Variants in CCDC175 observed in about 807,000 individuals in gnomAD.
CCDC175 encodes the protein coiled-coil domain-containing protein 175.
Under a neutral mutation model 114.6 loss-of-function variants are expected in CCDC175, and 100 were observed. The ratio of observed to expected loss-of-function variants is 0.87; its 90% CI spans 0.74 to 1.03. The LOEUF (loss-of-function observed/expected upper bound fraction) is 1.03, where lower values mean the gene tolerates loss of function less well. CCDC175 is among the 50% of genes least tolerant of loss of function. The pLI, the probability that CCDC175 is intolerant of heterozygous loss-of-function variation, is 0.00. For missense variants in CCDC175, 880 were observed against 917.8 expected (o/e 0.96, Z 0.53); for synonymous variants, 306 against 308.7 (o/e 0.99, Z 0.09).
chr14:59,517,498 A>C (rs1893164883), intron 17 of CCDC175, among the ~76,000 whole-genome samples: 1 of 152,212 alleles, frequency 6.6e-6, no homozygotes, highest in African/African-American at 2.4e-5. Context: ...CAATGTGCAA[A>C]AATCACAAGC....
At chr14:59,508,276 G>C (rs1892541042) in intron 19 of CCDC175, among the ~76,000 whole-genome samples, 1 of 151,792 alleles carries the variant, frequency 6.6e-6, no homozygotes, top group South Asian at 2.1e-4. Flanking sequence ...GCTTTGTTTA[G>C]TCCAATAGGT....
At chr14:59,534,003 A>AG (rs1268376514) in intron 13 of CCDC175, among the ~76,000 whole-genome samples, 3 of 151,638 alleles carry the variant, frequency 2.0e-5, no homozygotes, top group African/African-American at 7.3e-5. Flanking sequence ...AAAAAAAAAA[A>AG]AAAGAAACGC....
intron 12 of CCDC175, 77 bp from the exon 13 acceptor site, chr14:59,538,231 A>G (rs551598491): frequency 7.9e-7 from 1 of 1,263,832 alleles, no homozygotes; most frequent in South Asian, 1.5e-5. Flanking sequence ...CAGGAAATTA[A>G]TATCTCTTTG....
chr14:59,540,909 A>G (rs1894744634), intron 10 of CCDC175, among the ~76,000 whole-genome samples, 163 bp from the exon 11 acceptor site: 1 of 152,178 alleles, frequency 6.6e-6, no homozygotes, highest in South Asian at 2.1e-4. Flanking sequence ...CTGATAGACA[A>G]TTGCAATTCT....
chr14:59,525,198 ATTCTCTTCTT>A, intron 16 of CCDC175, 74 bp downstream of exon 16: 1 of 1,064,024 alleles, frequency 9.4e-7, no homozygotes, highest in Non-Finnish European at 1.3e-6. Context: ...TTCAAGAGCT[ATTCTCTTCTT>A]TTCTCTTATA....
chr14:59,518,718 T>C (rs896710414), intron 17 of CCDC175, among the ~76,000 whole-genome samples: 2 of 152,154 alleles, frequency 1.3e-5, no homozygotes, highest in African/African-American at 4.8e-5. Flanking sequence ...ACACTGTTGG[T>C]GGGACTGTAA....
chr14:59,508,109 C>T (rs931663308), intron 19 of CCDC175, among the ~76,000 whole-genome samples: 5 of 152,106 alleles, frequency 3.3e-5, no homozygotes, highest in Admixed American at 2.0e-4. Context: ...CGGACAATCA[C>T]CCCCGACCCC....
intron 7 of CCDC175, among the ~76,000 whole-genome samples, chr14:59,553,711 A>T (rs890133409): frequency 6.6e-6 from 1 of 152,250 alleles, no homozygotes; most frequent in Non-Finnish European, 1.5e-5. Flanking sequence ...TGCTGTATTC[A>T]GGAGACCCAT....
At chr14:59,552,516 G>GA (rs1467327307) in intron 7 of CCDC175, among the ~76,000 whole-genome samples, 3 of 152,076 alleles carry the variant, frequency 2.0e-5, no homozygotes, top group Non-Finnish European at 4.4e-5. Context: ...CAAAGATGGG[G>GA]AAAAAACAGA....
intron 13 of CCDC175, among the ~76,000 whole-genome samples, chr14:59,534,308 A>G (rs1894265002): frequency 6.6e-6 from 1 of 152,134 alleles, no homozygotes; most frequent in Admixed American, 6.6e-5. Flanking sequence ...CCTAAGCCAC[A>G]TGCATATTTA....
intron 14 of CCDC175, among the ~76,000 whole-genome samples, chr14:59,530,011 TC>T (rs373700734): frequency 1.3e-5 from 2 of 152,200 alleles, no homozygotes; most frequent in African/African-American, 4.8e-5. Flanking sequence ...ACTTTTATAC[TC>T]CTACTGTTTC....
At chr14:59,565,711 TAAAA>T (rs745434775) in intron 4 of CCDC175, among the ~76,000 whole-genome samples, 1 of 145,756 alleles carries the variant, frequency 6.9e-6, no homozygotes, top group Admixed American at 6.9e-5. Context: ...TGTCTGAAAT[TAAAA>T]AAAAAAAATT....
intron 7 of CCDC175, among the ~76,000 whole-genome samples, chr14:59,558,350 A>G (rs1357881454): frequency 1.3e-5 from 2 of 152,226 alleles, no homozygotes; most frequent in South Asian, 2.1e-4. Context: ...TACTTTGTGG[A>G]GAAAGACAAC....
intron 17 of CCDC175, among the ~76,000 whole-genome samples, chr14:59,512,745 G>T (rs1319120965): frequency 6.6e-6 from 1 of 151,592 alleles, no homozygotes; most frequent in African/African-American, 2.4e-5. Flanking sequence ...TCATTAAAAA[G>T]TCTATTCTTC....
chr14:59,519,934 C>T (rs1032979933), intron 17 of CCDC175, among the ~76,000 whole-genome samples: 43 of 152,166 alleles, frequency 2.8e-4, no homozygotes, highest in Non-Finnish European at 1.0e-4. Context: ...TGGCCTCCCT[C>T]GAGATCCAGC....
In CCDC175 at chr14:59,522,049, A is replaced by G. The variant is rs80270415; in HGVS notation, c.1996-373T>C. On this transcript the variant is annotated intron_variant, in intron 16 of 19. Transcript: ENST00000537690. ...CAGTAATGCTGCCAGACTGGCATTCAGTGTAAGACCTCAGAGAGATGATTA... is the reference window on the plus strand; with the variant it reads ...CAGTAATGCTGCCAGACTGGCATTCGGTGTAAGACCTCAGAGAGATGATTA... Among the ~76,000 whole-genome samples, 596 of 152,394 alleles carry G rather than the reference A, an allele frequency of 3.9e-3. 3 individuals carry two copies. The highest frequency in any genetic ancestry group is 0.013 in the African/African-American group (559 of 41,600).
chr14:59,552,174 A>G (rs1566624624), intron 7 of CCDC175, among the ~76,000 whole-genome samples: 1 of 152,246 alleles, frequency 6.6e-6, no homozygotes, highest in Non-Finnish European at 1.5e-5. Flanking sequence ...TGCCTCCTCA[A>G]GTGGGTCCCT....
In CCDC175 at chr14:59,568,364, A is replaced by G; in HGVS notation, c.372T>C (p.Ala124=). 6.5e-7 allele frequency: 1 copy of G among 1,527,906 alleles called. No homozygotes were observed. The highest frequency in any genetic ancestry group is 1.2e-5 in the South Asian group (1 of 81,760). The allele number at this position is 1,527,906 out of a possible 1,614,324, so 94.6% of individuals were successfully genotyped here. ...KRELEECVRD[A]RRLNLFEINT... is the part of the protein sequence containing the mutation. The stretch of plus-strand genomic sequence containing the variant: ...TTATCTCAAAAAGATTTAATCTGCG[A>G]GCGTCTCGGACACATTCTTCAAAGT... Residue 124 remains alanine, a synonymous_variant, in exon 4 of 20, where the codon GCT becomes GCC. Transcript: ENST00000537690.
intron 14 of CCDC175, among the ~76,000 whole-genome samples, chr14:59,528,428 T>C (rs922004860): frequency 1.3e-5 from 2 of 152,086 alleles, no homozygotes; most frequent in African/African-American, 4.8e-5. Flanking sequence ...CTTTGATAAT[T>C]TTATTAGTTC....
Sources: allele counts gnomAD v4.1 joint callset (sites outside exome capture counted in the v4.1 genomes callset), GRCh38; gene constraint gnomAD v4.1.1; transcripts MANE v1.5; gene names NCBI Gene and HGNC (gene_info 2026-07-23, HGNC 2026-07-21).